RARB: variants seen among roughly 807,000 people sequenced by gnomAD.
RARB encodes the protein retinoic acid receptor beta, also known as HBV-activated protein.
A neutral mutation model predicts 51.9 loss-of-function variants in RARB; 17 were observed. The ratio of observed to expected loss-of-function variants is 0.33; its 90% CI spans 0.22 to 0.49. The LOEUF (loss-of-function observed/expected upper bound fraction) is 0.49, where lower values mean the gene tolerates loss of function less well. Ranked by LOEUF, RARB falls within the 20% of genes least tolerant of loss-of-function variation. The probability of loss-of-function intolerance (pLI) is 0.99; values close to 1 mark genes in which losing one functional copy is unlikely to be tolerated. For synonymous variants in RARB, 215 were observed against 195.4 expected (o/e 1.10, Z -0.84); for missense variants, 369 against 550.8 (o/e 0.67, Z 3.30).
At chr3:25,202,271 G>A (rs189965247) in intron 5 of RARB, among the ~76,000 whole-genome samples, 25 of 151,968 alleles carry the variant, frequency 1.6e-4, no homozygotes, top group Non-Finnish European at 3.1e-4. Context: ...ATGTGGGATT[G>A]GTGGTGATAT....
chr3:24,844,283 T>G (rs1702458897), intron 1 of RARB, among the ~76,000 whole-genome samples: 1 of 152,220 alleles, frequency 6.6e-6, no homozygotes, highest in Non-Finnish European at 1.5e-5. Flanking sequence ...TGGGAGCACT[T>G]TTTTTTCTTT....
At chr3:25,255,878 G>C (rs1365223701) in intron 5 of RARB, among the ~76,000 whole-genome samples, 1 of 152,048 alleles carries the variant, frequency 6.6e-6, no homozygotes, top group Admixed American at 6.6e-5. Context: ...CTTTACGTCT[G>C]TTTATTTATA....
intron 3 of RARB, among the ~76,000 whole-genome samples, chr3:25,531,786 C>G (rs1299509042): frequency 6.0e-5 from 9 of 149,610 alleles, no homozygotes; most frequent in Admixed American, 6.0e-4. Context: ...AATTTTGTGT[C>G]AGAATTCTTT....
At chr3:24,854,587 G>GGA in intron 1 of RARB, among the ~76,000 whole-genome samples, 1 of 152,244 alleles carries the variant, frequency 6.6e-6, no homozygotes, top group Middle Eastern at 3.4e-3. Flanking sequence ...CAGAAACTCT[G>GGA]GAGGTGCAAT....
At chr3:25,175,817 T>TA (rs1332395948) in intron 5 of RARB, among the ~76,000 whole-genome samples, 1 of 152,172 alleles carries the variant, frequency 6.6e-6, no homozygotes, top group Admixed American at 6.5e-5. Context: ...TGGAATTGCC[T>TA]AAAAACCTCC....
chr3:25,353,167 A>G (rs1217581922), intron 5 of RARB, among the ~76,000 whole-genome samples: 6 of 152,132 alleles, frequency 3.9e-5, no homozygotes, highest in African/African-American at 1.4e-4. Context: ...CAGAGTTCCT[A>G]TAGTTTGGCT....
intron 3 of RARB, among the ~76,000 whole-genome samples, chr3:25,096,694 G>A (rs1271161457): frequency 1.3e-5 from 2 of 152,104 alleles, no homozygotes; most frequent in African/African-American, 2.4e-5. Flanking sequence ...CTTTTACCTG[G>A]GCTGAGTGGG....
intron 3 of RARB, among the ~76,000 whole-genome samples, chr3:25,099,951 G>A (rs1271093108): frequency 6.6e-6 from 1 of 152,152 alleles, no homozygotes; most frequent in African/African-American, 2.4e-5. Context: ...CTTGGCCTAC[G>A]ATCTTAATTT....
intron 1 of RARB, among the ~76,000 whole-genome samples, chr3:25,443,415 C>T (rs957227057): frequency 1.5e-5 from 2 of 131,630 alleles, no homozygotes; most frequent in African/African-American, 2.8e-5. Context: ...GTCCCCCCCA[C>T]CACCCCTTTT....
intron 5 of RARB, among the ~76,000 whole-genome samples, chr3:25,582,844 A>T (rs1193428455): frequency 6.6e-6 from 1 of 152,156 alleles, no homozygotes; most frequent in Non-Finnish European, 1.5e-5. Flanking sequence ...CTGTTTACCT[A>T]TGTACAAAAT....
At position 24,999,806 on chromosome 3, in the gene RARB, T is replaced by C. The variant is rs77399895; in HGVS notation, c.-379-60319T>C. On this transcript the variant is annotated intron_variant, in intron 2 of 11. Transcript: ENST00000383772. ...ACTCCCTCACTCTATATCTTGCCTC[T>C]GTGGTATAAGTTTTAACTTCAGGGA... Among the ~76,000 whole-genome samples the C allele has an allele frequency of 2.8e-3, 422 of 152,308 alleles. 5 individuals carry two copies. Among genetic ancestry groups the C allele is most frequent in the Admixed American group, 0.021 (328 of 15,288 alleles).
At chr3:24,830,664 GGTGTGTGTGT>G (rs142061113) in intron 1 of RARB, among the ~76,000 whole-genome samples, 1 of 139,836 alleles carries the variant, frequency 7.2e-6, no homozygotes, top group Non-Finnish European at 1.6e-5. Context: ...CAGAGTGTGG[GGTGTGTGTGT>G]GTGTGTGTGT....
intron 3 of RARB, among the ~76,000 whole-genome samples, chr3:25,539,404 T>C (rs1699274054): frequency 6.6e-6 from 1 of 152,016 alleles, no homozygotes; most frequent in African/African-American, 2.4e-5. Flanking sequence ...AGGCATTGTG[T>C]CCCTTCTGAA....
At chr3:25,372,385 A>G (rs566234023) in intron 5 of RARB, among the ~76,000 whole-genome samples, 68 of 152,358 alleles carry the variant, frequency 4.5e-4, no homozygotes, top group African/African-American at 1.6e-3. Context: ...TCACTCCCAC[A>G]TGAAAACCAC....
At chr3:25,225,853 A>C (rs1280920007) in intron 5 of RARB, among the ~76,000 whole-genome samples, 1 of 152,300 alleles carries the variant, frequency 6.6e-6, no homozygotes, top group South Asian at 2.1e-4. Flanking sequence ...GGGAAGTTAG[A>C]GTTGAGCAAC....
At chr3:24,971,870 T>C (rs1339623689) in intron 2 of RARB, among the ~76,000 whole-genome samples, 2 of 151,954 alleles carry the variant, frequency 1.3e-5, no homozygotes, top group Admixed American at 6.6e-5. Flanking sequence ...TATGAATAAA[T>C]ATTTTTATTT....
At chr3:25,567,295 C>A (rs1481328780) in intron 3 of RARB, among the ~76,000 whole-genome samples, 1 of 152,166 alleles carries the variant, frequency 6.6e-6, no homozygotes, top group Non-Finnish European at 1.5e-5. Flanking sequence ...GTTAGCACTC[C>A]CGATCCTCCC....
chr3:25,417,925 C>T (rs1707751344), intron 5 of RARB, among the ~76,000 whole-genome samples: 1 of 151,526 alleles, frequency 6.6e-6, no homozygotes, highest in Admixed American at 6.6e-5. Flanking sequence ...TCCACATGGA[C>T]ATTCAGGGAG....
chr3:24,950,406 A>G lies in RARB; in HGVS notation c.-380+91654A>G, dbSNP rs151246564. ...ATGATGGGGCACATTATAGGATTCT[A>G]AGTAATAATAATCTCCTGTTTACAT... On this transcript the variant is annotated intron_variant, in intron 2 of 11. Coordinates refer to the RARB transcript ENST00000383772. Among the ~76,000 whole-genome samples the G allele has an allele frequency of 4.8e-3, 728 of 152,344 alleles. 7 individuals carry two copies. Among genetic ancestry groups the G allele is most frequent in the African/African-American group, 0.016 (664 of 41,576 alleles).
Sources: gnomAD v4.1 joint callset for allele counts (sites outside exome capture counted in the v4.1 genomes callset) on GRCh38, gnomAD v4.1.1 for gene constraint, MANE v1.5 for transcripts, NCBI Gene and HGNC (gene_info 2026-07-23, HGNC 2026-07-21) for gene names.